PTPRT: variants seen among roughly 807,000 people sequenced by gnomAD.
PTPRT encodes the protein protein tyrosine phosphatase receptor type T, also known as receptor-type tyrosine-protein phosphatase T.
A neutral mutation model predicts 176.8 loss-of-function variants in PTPRT; 56 were observed. The observed-to-expected ratio is 0.32, with a 90% CI of 0.26 to 0.40. PTPRT has a LOEUF of 0.40. Among genes scored for constraint, PTPRT ranks in the 10% least tolerant of loss-of-function variants. The pLI is 1.00. For synonymous variants in PTPRT, 783 were observed against 739.0 expected (o/e 1.06, Z -0.96); for missense variants, 1,540 against 1,908.2 (o/e 0.81, Z 3.60).
chr20:42,448,383 G>C, intron 8 of PTPRT, 54 bp from the exon 9 acceptor site: 2 of 1,384,198 alleles, frequency 1.4e-6, no homozygotes, highest in Non-Finnish European at 2.1e-6. Flanking sequence ...CATTTCTCCA[G>C]CCCCGCTGAC....
At chr20:42,160,105 C>T (rs1989522380) in intron 17 of PTPRT, among the ~76,000 whole-genome samples, 1 of 151,664 alleles carries the variant, frequency 6.6e-6, no homozygotes, top group Non-Finnish European at 1.5e-5. Flanking sequence ...AAAACTGAAT[C>T]AAGCATAGCT....
intron 13 of PTPRT, among the ~76,000 whole-genome samples, chr20:42,265,561 A>C (rs1450757464): frequency 6.6e-6 from 1 of 151,868 alleles, no homozygotes; most frequent in Admixed American, 6.6e-5. Flanking sequence ...CTCTCTCCTG[A>C]CAGGCTGTGC....
intron 7 of PTPRT, among the ~76,000 whole-genome samples, chr20:42,517,001 T>C (rs1251277038): frequency 6.6e-6 from 1 of 152,116 alleles, no homozygotes; most frequent in Non-Finnish European, 1.5e-5. Flanking sequence ...TATAATTTCC[T>C]TTCTCATGCT....
intron 11 of PTPRT, among the ~76,000 whole-genome samples, chr20:42,347,155 T>C (rs1337225106): frequency 2.0e-5 from 3 of 152,198 alleles, no homozygotes; most frequent in Non-Finnish European, 4.4e-5. Flanking sequence ...AAAATGGAGA[T>C]GGTATTTCCC....
intron 1 of PTPRT, among the ~76,000 whole-genome samples, chr20:42,965,372 C>G (rs1982234190): frequency 1.3e-5 from 2 of 152,130 alleles, no homozygotes; most frequent in South Asian, 4.1e-4. Context: ...GTGTTTCCAA[C>G]TTACAGATAT....
At chr20:43,064,860 C>A (rs1453344567) in intron 1 of PTPRT, among the ~76,000 whole-genome samples, 1 of 152,212 alleles carries the variant, frequency 6.6e-6, no homozygotes, top group East Asian at 1.9e-4. Flanking sequence ...GCCGATAAAT[C>A]CCAACCCTTG....
intron 1 of PTPRT, among the ~76,000 whole-genome samples, chr20:43,086,817 C>T (rs972311021): frequency 1.3e-5 from 2 of 152,096 alleles, no homozygotes; most frequent in Non-Finnish European, 2.9e-5. Context: ...GGAAGAATTG[C>T]TCTTCTAATA....
intron 7 of PTPRT, among the ~76,000 whole-genome samples, chr20:42,516,666 T>C (rs2072073399): frequency 6.6e-6 from 1 of 152,210 alleles, no homozygotes; most frequent in Non-Finnish European, 1.5e-5. Flanking sequence ...GTAGAATTAA[T>C]GGTTAAGCAT....
chr20:42,325,353 A>G (rs2057866547), intron 11 of PTPRT, among the ~76,000 whole-genome samples: 1 of 152,170 alleles, frequency 6.6e-6, no homozygotes, highest in Admixed American at 6.5e-5. Context: ...CCTATGATTG[A>G]ATTGCATTTG....
chr20:42,251,456 A>G (rs1329737089), intron 13 of PTPRT, among the ~76,000 whole-genome samples: 4 of 152,132 alleles, frequency 2.6e-5, no homozygotes, highest in East Asian at 1.9e-4. Flanking sequence ...GGTTGGGGGT[A>G]GGGGAATATA....
At chr20:42,478,864 A>C (rs2071334550) in intron 7 of PTPRT, among the ~76,000 whole-genome samples, 1 of 152,176 alleles carries the variant, frequency 6.6e-6, no homozygotes, top group South Asian at 2.1e-4. Flanking sequence ...TCATTTTATA[A>C]CTATAACATA....
At chr20:42,382,877 A>G (rs1161423520) in intron 9 of PTPRT, among the ~76,000 whole-genome samples, 1 of 152,118 alleles carries the variant, frequency 6.6e-6, no homozygotes, top group South Asian at 2.1e-4. Context: ...CCAGCTGCCT[A>G]CTACTGATAG....
At chr20:42,296,785 T>C (rs1186051674) in intron 12 of PTPRT, among the ~76,000 whole-genome samples, 1 of 152,168 alleles carries the variant, frequency 6.6e-6, no homozygotes, top group Non-Finnish European at 1.5e-5. Context: ...ACATAGTCAA[T>C]AATAATTTAT....
intron 7 of PTPRT, among the ~76,000 whole-genome samples, chr20:42,517,650 C>T (rs537520249): frequency 2.4e-4 from 36 of 152,080 alleles, no homozygotes; most frequent in African/African-American, 8.4e-4. Flanking sequence ...CTAAATACTG[C>T]TTTAACTGCA....
In PTPRT at chr20:42,074,900, A is replaced by G; in HGVS notation, c.*5979T>C. On this transcript the variant is annotated 3_prime_UTR_variant, in exon 31 of 31. Transcript: ENST00000373187. Reference sequence around the variant, plus strand: ...ACTAAAAAACTAGAAGAGTCTGCTCATGTGCACAAATATGGCTTAGATATC... The same window carrying G: ...ACTAAAAAACTAGAAGAGTCTGCTCGTGTGCACAAATATGGCTTAGATATC... 1 of 398,568 alleles carries G rather than the reference A, an allele frequency of 2.5e-6. No individual in the cohort carries two copies. Among genetic ancestry groups the G allele is most frequent in the Non-Finnish European group, 4.4e-6 (1 of 226,026 alleles). The allele number at this position is 398,568 out of a possible 1,614,324, so 24.7% of individuals were successfully genotyped here.
chr20:42,895,412 C>T (rs1318733787), intron 1 of PTPRT, among the ~76,000 whole-genome samples: 3 of 152,224 alleles, frequency 2.0e-5, no homozygotes, highest in African/African-American at 7.2e-5. Flanking sequence ...TCTCCAAACA[C>T]AGTCACATGG....
intron 7 of PTPRT, among the ~76,000 whole-genome samples, chr20:42,506,875 T>C (rs1041430916): frequency 1.3e-5 from 2 of 152,160 alleles, no homozygotes; most frequent in Non-Finnish European, 2.9e-5. Flanking sequence ...CCAGAGGCTA[T>C]GCCTGTGCCC....
chr20:42,899,269 G>C (rs1260305348), intron 1 of PTPRT, among the ~76,000 whole-genome samples: 2 of 152,222 alleles, frequency 1.3e-5, no homozygotes, highest in African/African-American at 4.8e-5. Flanking sequence ...CCGTCTCAGA[G>C]AAACTTCAGA....
At chr20:43,073,294 C>T (rs1460662620) in intron 1 of PTPRT, among the ~76,000 whole-genome samples, 2 of 151,982 alleles carry the variant, frequency 1.3e-5, no homozygotes, top group Non-Finnish European at 2.9e-5. Context: ...TACATGTTTT[C>T]CCATATTTTC....
Sources: gnomAD v4.1 joint callset for allele counts (sites outside exome capture counted in the v4.1 genomes callset) on GRCh38, gnomAD v4.1.1 for gene constraint, MANE v1.5 for transcripts, NCBI Gene and HGNC (gene_info 2026-07-23, HGNC 2026-07-21) for gene names.